RNF220: variants seen among roughly 807,000 people sequenced by gnomAD.
The protein encoded by RNF220 is E3 ubiquitin-protein ligase RNF220.
Under a neutral mutation model 67.1 loss-of-function variants are expected in RNF220, and 7 were observed. The ratio of observed to expected loss-of-function variants is 0.10; its 90% CI spans 0.06 to 0.20. The LOEUF is 0.20. Ranked by LOEUF, RNF220 falls within the 10% of genes least tolerant of loss-of-function variation. RNF220 has a pLI of 1.00. For missense variants in RNF220, 565 were observed against 740.3 expected (o/e 0.76, Z 2.75); for synonymous variants, 270 against 283.2 (o/e 0.95, Z 0.47).
intron 2 of RNF220, among the ~76,000 whole-genome samples, chr1:44,540,470 A>C (rs1558025011): frequency 6.6e-6 from 1 of 152,240 alleles, no homozygotes; most frequent in Non-Finnish European, 1.5e-5. Context: ...GACTCATTAG[A>C]AAAAACAAAT....
intron 2 of RNF220, among the ~76,000 whole-genome samples, chr1:44,568,891 A>G (rs181891957): frequency 1.3e-5 from 2 of 151,576 alleles, no homozygotes; most frequent in Non-Finnish European, 2.9e-5. Flanking sequence ...CTAGGATGCT[A>G]CAAAAGATGG....
At chr1:44,555,465 T>G (rs1572868248) in intron 2 of RNF220, among the ~76,000 whole-genome samples, 1 of 151,846 alleles carries the variant, frequency 6.6e-6, no homozygotes, top group South Asian at 2.1e-4. Flanking sequence ...ACGTACCAAT[T>G]TATGTATTTA....
rs113333680 is a variant in RNF220 at position 44,516,096 on chromosome 1, C to T, written c.626-98069C>T. Among the ~76,000 whole-genome samples the T allele has an allele frequency of 4.0e-3, 602 of 152,224 alleles. 5 individuals carry two copies. The highest frequency in any genetic ancestry group is 0.014 in the African/African-American group (578 of 41,532). On this transcript the variant is annotated intron_variant, in intron 2 of 14. Coordinates refer to ENST00000361799, the MANE Select transcript of RNF220 (RefSeq NM_018150.4). The stretch of plus-strand genomic sequence containing the variant: ...TATGGGTGTTGTTTGCTTTTTCACT[C>T]ATCTAAACTTTTTGCTTAAAATTAT...
intron 6 of RNF220, 44 bp downstream of exon 6, chr1:44,632,429 C>T: frequency 1.4e-6 from 2 of 1,456,090 alleles, no homozygotes; most frequent in Non-Finnish European, 1.9e-6. Flanking sequence ...CCCCGGCCTC[C>T]TCCCTCCCTC....
intron 2 of RNF220, among the ~76,000 whole-genome samples, chr1:44,519,010 A>G (rs535334772): frequency 5.3e-5 from 8 of 152,296 alleles, no homozygotes; most frequent in African/African-American, 1.9e-4. Context: ...GAATGAACGA[A>G]CAAATGAACC....
rs1463492052 is a variant in RNF220 at position 44,645,010 on chromosome 1, T to C, written c.1239T>C (p.Asp413=). 6.2e-6 allele frequency: 10 copies of C among 1,613,948 alleles called. No homozygotes were observed. The highest frequency in any genetic ancestry group is 1.1e-5 in the South Asian group (1 of 91,078). The part of the protein sequence containing the change: ...EYGKPQYTEA[D]VIPCTGEEPG... ...ACCATGCCAGATACACAGAGGCTGA[T>C]GTCATCCCCTGCACAGGCGAGGAGC... The change falls in exon 10 of 15, where the codon GAT becomes GAC. Residue 413 remains aspartate (D), a synonymous_variant. Coordinates refer to ENST00000361799, the MANE Select transcript of RNF220 (RefSeq NM_018150.4). This position sits in a 1 kb window ranked among gnomAD's most constrained non-coding sequence, Gnocchi z 5.0.
At chr1:44,644,174 C>T (rs1009180735) in intron 8 of RNF220, 1 of 156,072 alleles carries the variant, frequency 6.4e-6, no homozygotes, top group Non-Finnish European at 1.4e-5. Context: ...ATTTGAACAG[C>T]TGCCTGGTGT....
intron 2 of RNF220, among the ~76,000 whole-genome samples, chr1:44,596,063 C>T (rs1052948695): frequency 1.1e-4 from 17 of 152,262 alleles, no homozygotes; most frequent in African/African-American, 3.6e-4. Context: ...CATGCCTGGC[C>T]GATGAGCAAA....
At chr1:44,540,859 G>A (rs1050071405) in intron 2 of RNF220, among the ~76,000 whole-genome samples, 2 of 152,114 alleles carry the variant, frequency 1.3e-5, no homozygotes, top group Admixed American at 6.6e-5. Flanking sequence ...CTGAGAGCAC[G>A]AGTCAGGTCT....
intron 2 of RNF220, among the ~76,000 whole-genome samples, chr1:44,472,226 A>G (rs1654879204): frequency 6.6e-6 from 1 of 152,124 alleles, no homozygotes; most frequent in Non-Finnish European, 1.5e-5. Context: ...TCTCTTGGGT[A>G]TATATCTAGG....
At chr1:44,464,241 G>C (rs910451651) in intron 2 of RNF220, among the ~76,000 whole-genome samples, 11 of 152,164 alleles carry the variant, frequency 7.2e-5, no homozygotes, top group Non-Finnish European at 1.3e-4. Flanking sequence ...GATTCAGCGA[G>C]TCTAGGCTGA....
At chr1:44,538,730 A>G (rs1474470029) in intron 2 of RNF220, among the ~76,000 whole-genome samples, 3 of 152,128 alleles carry the variant, frequency 2.0e-5, no homozygotes, top group African/African-American at 7.2e-5. Flanking sequence ...AGCCTGGCCA[A>G]CATGGTGAAA....
intron 2 of RNF220, among the ~76,000 whole-genome samples, chr1:44,611,759 GC>G (rs1643321680): frequency 6.6e-6 from 1 of 152,134 alleles, no homozygotes; most frequent in South Asian, 2.1e-4. Flanking sequence ...TCTCCTCGAG[GC>G]CAAGGATGCA....
chr1:44,596,682 C>T (rs1666518592), intron 2 of RNF220, among the ~76,000 whole-genome samples: 1 of 152,228 alleles, frequency 6.6e-6, no homozygotes, highest in South Asian at 2.1e-4. Flanking sequence ...CGACCCACTT[C>T]CAAGGCAAGG....
At chr1:44,484,763 C>T (rs978085297) in intron 2 of RNF220, among the ~76,000 whole-genome samples, 1 of 152,186 alleles carries the variant, frequency 6.6e-6, no homozygotes, top group Non-Finnish European at 1.5e-5. Context: ...AAGCCATTGA[C>T]TGTAATTAAT....
In RNF220 at chr1:44,632,257, T is replaced by TCCGGTG. The variant is rs777343827; in HGVS notation, c.907-84_907-79dup. ...GGGGCGGAGCAGCTTTGGTCGGGGG[T>TCCGGTG]CCGGTGCTGGGGCGGGGGCCAGGAC... is the stretch of plus-strand genomic sequence containing the variant. On this transcript the variant is annotated intron_variant, in intron 5 of 14. Coordinates refer to ENST00000361799, the MANE Select transcript of RNF220 (RefSeq NM_018150.4). 17 of 1,613,284 alleles carry TCCGGTG rather than the reference T, an allele frequency of 1.1e-5. 1 individual carries two copies. The South Asian group carries it at 1.8e-4, about 17-fold the overall frequency.
At chr1:44,641,580 G>A (rs1163096594) in intron 8 of RNF220, among the ~76,000 whole-genome samples, 1 of 152,240 alleles carries the variant, frequency 6.6e-6, no homozygotes, top group South Asian at 2.1e-4. Flanking sequence ...AGCGGGAGGG[G>A]GGGCAAGCTG....
chr1:44,614,734 G>A (rs1643472494), intron 3 of RNF220, among the ~76,000 whole-genome samples: 1 of 152,156 alleles, frequency 6.6e-6, no homozygotes, highest in Non-Finnish European at 1.5e-5. Context: ...ACAATCTTAA[G>A]AATGTGCTCA....
intron 2 of RNF220, among the ~76,000 whole-genome samples, chr1:44,611,943 T>C (rs1461455286): frequency 6.6e-6 from 1 of 152,172 alleles, no homozygotes; most frequent in Non-Finnish European, 1.5e-5. Flanking sequence ...GCCTGGAGAA[T>C]GTCTAGGGTC....
Sources: gnomAD v4.1 joint callset for allele counts (sites outside exome capture counted in the v4.1 genomes callset) on GRCh38, gnomAD v4.1.1 for gene constraint, Gnocchi (gnomAD v3.1) non-coding constraint, MANE v1.5 for transcripts, NCBI Gene and HGNC (gene_info 2026-07-23, HGNC 2026-07-21) for gene names.